The following RNGTT variants were observed in gnomAD, a reference collection of about 807,000 sequenced individuals.
RNGTT encodes mRNA-capping enzyme.
RNGTT carries 33 observed loss-of-function variants against 79.3 expected under a neutral mutation model. That is an observed-to-expected ratio of 0.42 (90% CI 0.32 to 0.56). The LOEUF is 0.56. Among genes scored for constraint, RNGTT ranks in the 20% least tolerant of loss-of-function variants. RNGTT has a pLI of 0.17. For synonymous variants in RNGTT, 222 were observed against 235.9 expected (o/e 0.94, Z 0.54); for missense variants, 497 against 739.1 (o/e 0.67, Z 3.80).
intron 12 of RNGTT, among the ~76,000 whole-genome samples, chr6:88,794,278 A>C (rs1277920060): frequency 6.6e-6 from 1 of 152,248 alleles, no homozygotes; most frequent in Non-Finnish European, 1.5e-5. Flanking sequence ...CTTGGCAAAG[A>C]AAAGTGAGAA....
intron 11 of RNGTT, among the ~76,000 whole-genome samples, chr6:88,821,239 C>A (rs1398777582): frequency 6.6e-6 from 1 of 151,968 alleles, no homozygotes; most frequent in East Asian, 1.9e-4. Flanking sequence ...ACAACCGGAC[C>A]TTCACATGCA....
chr6:88,711,469 G>C lies in RNGTT; in HGVS notation c.1440-33050C>G, dbSNP rs79005189. 1.7e-3 allele frequency among the ~76,000 whole-genome samples: 264 copies of C among 152,128 alleles called. 2 individuals are homozygous for C. The East Asian group carries it at 0.043, about 24-fold the overall frequency. On this transcript the variant is annotated intron_variant, in intron 13 of 15. Coordinates refer to ENST00000369485, the MANE Select transcript of RNGTT (RefSeq NM_003800.5). ...AAGTGTTCTTAACCAAACTAATCTT[G>C]GTGTAGTACTTTACAGTTATATAGA...
intron 13 of RNGTT, among the ~76,000 whole-genome samples, chr6:88,684,771 A>G (rs1395869458): frequency 2.6e-5 from 4 of 152,156 alleles, no homozygotes; most frequent in African/African-American, 9.7e-5. Context: ...AATGCAAACT[A>G]CAGACTTTAG....
intron 8 of RNGTT, among the ~76,000 whole-genome samples, chr6:88,867,551 G>T (rs192048923): frequency 2.0e-5 from 3 of 151,650 alleles, no homozygotes; most frequent in East Asian, 3.9e-4. Flanking sequence ...AAAAGCAAAA[G>T]AATTTTAAAA....
chr6:88,764,248 C>A (rs890766439), intron 13 of RNGTT, among the ~76,000 whole-genome samples: 2 of 152,220 alleles, frequency 1.3e-5, no homozygotes, highest in Non-Finnish European at 2.9e-5. Context: ...AATTCTTCAA[C>A]TAAATTCATT....
Position 88,678,165 on chromosome 6 carries a change from T to G in RNGTT, c.1506+188A>C, listed in dbSNP as rs975345456. On this transcript the variant is annotated intron_variant, in intron 14 of 15. Transcript: ENST00000369485. ...CTGAACTTGGCTAATGACAAAAAAT[T>G]TTTCTTTTTGTAGAGACAGGGTTCC... 8.3e-6 allele frequency: 10 copies of G among 1,205,760 alleles called. No homozygotes were observed. In the Admixed American group the frequency reaches 3.5e-4, roughly 43 times the overall value. The allele number at this position is 1,205,760 out of a possible 1,614,324, so 74.7% of individuals were successfully genotyped here.
At chr6:88,858,549 T>A (rs1474637889) in intron 8 of RNGTT, among the ~76,000 whole-genome samples, 1 of 152,180 alleles carries the variant, frequency 6.6e-6, no homozygotes, top group Non-Finnish European at 1.5e-5. Context: ...AATTACTATG[T>A]TCTGAAGAAA....
At chr6:88,646,566 C>G (rs1443405203) in intron 14 of RNGTT, among the ~76,000 whole-genome samples, 1 of 152,180 alleles carries the variant, frequency 6.6e-6, no homozygotes, top group East Asian at 1.9e-4. Flanking sequence ...TGGCACTACT[C>G]ACAGTAGCAA....
At chr6:88,828,078 C>A (rs2127886015) in intron 11 of RNGTT, among the ~76,000 whole-genome samples, 1 of 152,258 alleles carries the variant, frequency 6.6e-6, no homozygotes, top group South Asian at 2.1e-4. Context: ...GGTCCCTGAC[C>A]CCAGTGCCTA....
chr6:88,832,620 A>C (rs2127890054), intron 11 of RNGTT, among the ~76,000 whole-genome samples: 1 of 152,368 alleles, frequency 6.6e-6, no homozygotes, highest in Non-Finnish European at 1.5e-5. Flanking sequence ...TGCACAGCAA[A>C]AGAAATTATC....
chr6:88,719,533 T>C (rs1465592203), intron 13 of RNGTT, among the ~76,000 whole-genome samples: 1 of 152,218 alleles, frequency 6.6e-6, no homozygotes, highest in African/African-American at 2.4e-5. Context: ...TCTAATCCTT[T>C]ACATTTGTAA....
intron 6 of RNGTT, among the ~76,000 whole-genome samples, chr6:88,892,780 A>C (rs1783094002): frequency 1.3e-5 from 2 of 152,120 alleles, no homozygotes; most frequent in South Asian, 4.1e-4. Flanking sequence ...TTAGTCTACA[A>C]GCTACAACGT....
At chr6:88,672,710 A>G (rs1774702108) in intron 14 of RNGTT, among the ~76,000 whole-genome samples, 1 of 152,194 alleles carries the variant, frequency 6.6e-6, no homozygotes, top group Admixed American at 6.5e-5. Context: ...TTAAAGTAAT[A>G]ATTTTTCAAA....
chr6:88,715,182 G>A (rs950425915), intron 13 of RNGTT, among the ~76,000 whole-genome samples: 1 of 152,092 alleles, frequency 6.6e-6, no homozygotes, highest in African/African-American at 2.4e-5. Flanking sequence ...TAGACAAACA[G>A]AGAGCCAAAT....
intron 11 of RNGTT, among the ~76,000 whole-genome samples, chr6:88,835,237 G>A (rs1781023474): frequency 6.6e-6 from 1 of 151,982 alleles, no homozygotes; most frequent in African/African-American, 2.4e-5. Flanking sequence ...TTGAAATGGG[G>A]GAAAGGGGAC....
intron 13 of RNGTT, among the ~76,000 whole-genome samples, chr6:88,696,219 A>G (rs1476684134): frequency 6.6e-6 from 1 of 152,220 alleles, no homozygotes; most frequent in Non-Finnish European, 1.5e-5. Context: ...TAATAATTCT[A>G]CTTTGTATAC....
chr6:88,949,172 AAAAAAAG>A (rs1210316446), intron 1 of RNGTT, among the ~76,000 whole-genome samples: 28 of 146,118 alleles, frequency 1.9e-4, no homozygotes, highest in African/African-American at 6.5e-4. Flanking sequence ...AAAAAAAAAA[AAAAAAAG>A]AAAATGAAAA....
intron 11 of RNGTT, among the ~76,000 whole-genome samples, chr6:88,825,140 TA>T (rs1780615903): frequency 6.6e-6 from 1 of 152,204 alleles, no homozygotes; most frequent in Non-Finnish European, 1.5e-5. Flanking sequence ...TGAAAATGCT[TA>T]AAGGAAGTCT....
chr6:88,921,275 T>A (rs1562030365), intron 4 of RNGTT, among the ~76,000 whole-genome samples: 1 of 151,090 alleles, frequency 6.6e-6, no homozygotes, highest in Non-Finnish European at 1.5e-5. Context: ...GTCTTGGTTT[T>A]AAAAAAAAAT....
Sources: gnomAD v4.1 joint callset for allele counts (sites outside exome capture counted in the v4.1 genomes callset) on GRCh38, gnomAD v4.1.1 for gene constraint, MANE v1.5 for transcripts, NCBI Gene and HGNC (gene_info 2026-07-23, HGNC 2026-07-21) for gene names.